FOXP2: variants seen among roughly 807,000 people sequenced by gnomAD.
FOXP2 encodes forkhead box P2.
Under a neutral mutation model 115.8 loss-of-function variants are expected in FOXP2, and 12 were observed. The observed-to-expected ratio is 0.10, with a 90% confidence interval of 0.07 to 0.17. The LOEUF (loss-of-function observed/expected upper bound fraction) is 0.17, where lower values mean the gene tolerates loss of function less well. FOXP2 is among the 10% of genes least tolerant of loss of function. The pLI, the probability that FOXP2 is intolerant of heterozygous loss-of-function variation, is 1.00. For missense variants in FOXP2, 629 were observed against 843.5 expected (o/e 0.75, Z 3.15); for synonymous variants, 328 against 297.7 (o/e 1.10, Z -1.05).
chr7:114,220,567 C>T (rs1488036647), intron 1 of FOXP2, among the ~76,000 whole-genome samples: 5 of 152,074 alleles, frequency 3.3e-5, no homozygotes, highest in Admixed American at 2.0e-4. Context: ...TGGCTTTAGA[C>T]AGGATTTTAA....
intron 2 of FOXP2, among the ~76,000 whole-genome samples, chr7:114,520,422 AG>A (rs1584843897): frequency 6.6e-6 from 1 of 152,162 alleles, no homozygotes; most frequent in East Asian, 1.9e-4. Flanking sequence ...AAGACTTAAA[AG>A]CAACACTATC....
upstream of FOXP2, among the ~76,000 whole-genome samples, chr7:114,158,582 T>C (rs377515198): frequency 1.3e-5 from 2 of 152,254 alleles, no homozygotes; most frequent in East Asian, 3.9e-4. Flanking sequence ...AAACTTTCCT[T>C]TGTCCTGCGC....
At chr7:114,462,389 T>A (rs1157353706) in intron 2 of FOXP2, among the ~76,000 whole-genome samples, 9 of 119,890 alleles carry the variant, frequency 7.5e-5, no homozygotes, top group Non-Finnish European at 1.7e-4. Context: ...TTTTTTTTTT[T>A]AAGACAGAGT....
At chr7:114,219,684 T>A (rs1397959930) in intron 1 of FOXP2, among the ~76,000 whole-genome samples, 1 of 152,190 alleles carries the variant, frequency 6.6e-6, no homozygotes. Flanking sequence ...ATATGATCCC[T>A]TTTTTACTTC....
rs1269306410 is a variant in FOXP2, at chr7:114,681,831, G to A, written c.2004-7951G>A. On this transcript the variant is annotated intron_variant, in intron 16 of 16. Transcript: ENST00000350908. ...TAATGCCAGGCATCTGATATGTGAG[G>A]CACATATATCTTTGTTTCATGACTT... Among the ~76,000 whole-genome samples the A allele has an allele frequency of 2.6e-5, 4 of 152,162 alleles. No individual in the cohort carries two copies. In the South Asian group the frequency reaches 8.3e-4, roughly 32 times the overall value.
intron 2 of FOXP2, among the ~76,000 whole-genome samples, chr7:114,482,117 G>A (rs1287172256): frequency 2.6e-5 from 4 of 151,286 alleles, no homozygotes; most frequent in Non-Finnish European, 5.9e-5. Flanking sequence ...CAGGAGGATC[G>A]AGAGAGAGGG....
At chr7:114,514,315 T>G (rs1798222148) in intron 2 of FOXP2, among the ~76,000 whole-genome samples, 1 of 152,242 alleles carries the variant, frequency 6.6e-6, no homozygotes, top group East Asian at 1.9e-4. Context: ...ATACTATACT[T>G]TGTCATTAAC....
chr7:114,168,219 A>C (rs2129152236), intron 1 of FOXP2, among the ~76,000 whole-genome samples: 1 of 152,298 alleles, frequency 6.6e-6, no homozygotes, highest in East Asian at 1.9e-4. Flanking sequence ...TTATTTTGGA[A>C]CTGGGTAACA....
At chr7:114,436,090 G>A (rs1311626123) in intron 2 of FOXP2, among the ~76,000 whole-genome samples, 4 of 152,076 alleles carry the variant, frequency 2.6e-5, no homozygotes, top group Non-Finnish European at 5.9e-5. Context: ...GTGATTAAAA[G>A]AATCAAACTT....
intron 3 of FOXP2, among the ~76,000 whole-genome samples, chr7:114,562,610 C>T (rs1800807710): frequency 6.6e-6 from 1 of 152,172 alleles, no homozygotes; most frequent in African/African-American, 2.4e-5. Flanking sequence ...CTTTCCACCT[C>T]TTCCAGAACC....
upstream of FOXP2, among the ~76,000 whole-genome samples, chr7:114,161,100 C>T (rs747359603): frequency 2.0e-5 from 3 of 152,144 alleles, no homozygotes; most frequent in Non-Finnish European, 2.9e-5. Context: ...AAACCACTTC[C>T]GTGTTCTGGA....
At chr7:114,101,901 G>T (rs369005218) in intron 1 of FOXP2, among the ~76,000 whole-genome samples, 65 of 62,398 alleles carry the variant, frequency 1.0e-3, no homozygotes, top group African/African-American at 8.3e-3. Flanking sequence ...TCAACATTTT[G>T]TGTGTGTGTG....
At position 114,426,729 on chromosome 7, in the gene FOXP2, A is replaced by T. The variant is rs1230156593; in HGVS notation, c.168+50A>T. On this transcript the variant is annotated intron_variant, in intron 2 of 16. Transcript: ENST00000350908. The stretch of plus-strand genomic sequence containing the variant: ...TCCTTAAAACAAATAAGCTTGTTTT[A>T]TTGAATATGAAAAATGTATTCATAG... 38 of 1,576,610 alleles carry T rather than the reference A, an allele frequency of 2.4e-5. No individual in the cohort carries two copies. The East Asian group carries it at 8.7e-4, about 36-fold the overall frequency.
intron 3 of FOXP2, among the ~76,000 whole-genome samples, chr7:114,578,028 A>G (rs899223454): frequency 1.3e-5 from 2 of 152,008 alleles, no homozygotes; most frequent in South Asian, 2.1e-4. Context: ...TAGGAATTCA[A>G]TATTTCTAGT....
intron 3 of FOXP2, among the ~76,000 whole-genome samples, chr7:114,589,360 A>T (rs895998654): frequency 2.0e-5 from 3 of 152,104 alleles, no homozygotes; most frequent in Non-Finnish European, 4.4e-5. Flanking sequence ...TTTAAAAAAA[A>T]AGCTTCTCCC....
At chr7:114,677,481 C>A (rs1446593776) in intron 16 of FOXP2, among the ~76,000 whole-genome samples, 2 of 152,082 alleles carry the variant, frequency 1.3e-5, no homozygotes, top group Non-Finnish European at 2.9e-5. Context: ...TTTATAGAAC[C>A]TTTGACTTAG....
intron 1 of FOXP2, among the ~76,000 whole-genome samples, chr7:114,089,550 C>G (rs1423847472): frequency 1.3e-5 from 2 of 151,788 alleles, no homozygotes; most frequent in Non-Finnish European, 2.9e-5. Context: ...GAAATAGGCC[C>G]TTAATTACAT....
intron 1 of FOXP2, among the ~76,000 whole-genome samples, chr7:114,280,454 C>T (rs1384861677): frequency 6.6e-6 from 1 of 151,956 alleles, no homozygotes; most frequent in East Asian, 1.9e-4. Flanking sequence ...ATGTATTATT[C>T]TTCGCTCATC....
At chr7:114,249,092 A>G (rs952108448) in intron 1 of FOXP2, among the ~76,000 whole-genome samples, 7 of 152,220 alleles carry the variant, frequency 4.6e-5, no homozygotes, top group African/African-American at 1.4e-4. Context: ...AGAATGTCAG[A>G]CAGCATTATG....
Sources: gnomAD v4.1 joint callset for allele counts (sites outside exome capture counted in the v4.1 genomes callset) on GRCh38, gnomAD v4.1.1 for gene constraint, MANE v1.5 for transcripts, NCBI Gene and HGNC (gene_info 2026-07-23, HGNC 2026-07-21) for gene names.